The following TMEM132B variants were observed in gnomAD, a reference collection of about 807,000 sequenced individuals.
The protein encoded by TMEM132B is transmembrane protein 132B.
TMEM132B carries 18 observed loss-of-function variants against 90.8 expected under a neutral mutation model. That is an observed-to-expected ratio of 0.20 (90% CI 0.14 to 0.29). The LOEUF is 0.29. TMEM132B is among the 10% of genes least tolerant of loss of function. TMEM132B has a pLI of 1.00. For synonymous variants in TMEM132B, 504 were observed against 523.3 expected, an observed-to-expected ratio of 0.96 and a Z score of 0.50; for missense variants, 1,096 against 1,326.8, an observed-to-expected ratio of 0.83 and a Z score of 2.70.
At chr12:125,250,123 G>A (rs1420629895) in intron 1 of TMEM132B, among the ~76,000 whole-genome samples, 1 of 152,224 alleles carries the variant, frequency 6.6e-6, no homozygotes, top group East Asian at 1.9e-4. Context: ...GACAGCTAAG[G>A]CCACCCACAG....
chr12:125,224,188 G>A (rs779307563), intron 1 of TMEM132B, among the ~76,000 whole-genome samples: 7 of 152,110 alleles, frequency 4.6e-5, no homozygotes, highest in Admixed American at 3.9e-4. Flanking sequence ...CCATTCATTT[G>A]TTGATAGACA....
chr12:125,621,757 T>G (rs1886118495), intron 5 of TMEM132B, among the ~76,000 whole-genome samples: 1 of 152,096 alleles, frequency 6.6e-6, no homozygotes. Context: ...TAATAAGGAA[T>G]GGAGAGCATG....
intron 5 of TMEM132B, among the ~76,000 whole-genome samples, chr12:125,608,573 A>G (rs535107855): frequency 6.6e-6 from 1 of 152,288 alleles, no homozygotes; most frequent in East Asian, 1.9e-4. Context: ...TTCAGTTTTG[A>G]TCAAGTCTAA....
chr12:125,576,603 C>T (rs1179533890), intron 4 of TMEM132B, among the ~76,000 whole-genome samples: 4 of 151,924 alleles, frequency 2.6e-5, no homozygotes, highest in Non-Finnish European at 4.4e-5. Flanking sequence ...GTATGTTCTC[C>T]ATAGATGGCC....
At chr12:125,463,896 G>A (rs1881500060) in intron 3 of TMEM132B, among the ~76,000 whole-genome samples, 1 of 152,176 alleles carries the variant, frequency 6.6e-6, no homozygotes. Context: ...CATGGCGGAA[G>A]GTGAAGGAGA....
At chr12:125,556,163 T>C (rs1366918725) in intron 4 of TMEM132B, among the ~76,000 whole-genome samples, 1 of 152,234 alleles carries the variant, frequency 6.6e-6, no homozygotes, top group Non-Finnish European at 1.5e-5. Context: ...GTACCTTCTT[T>C]TTGCCACTCA....
At chr12:125,604,058 A>G in intron 5 of TMEM132B, among the ~76,000 whole-genome samples, 1 of 152,202 alleles carries the variant, frequency 6.6e-6, no homozygotes, top group South Asian at 2.1e-4. Flanking sequence ...AGGATCTAGA[A>G]CCAGAAATAC....
intron 5 of TMEM132B, among the ~76,000 whole-genome samples, chr12:125,615,765 G>A (rs1378984352): frequency 6.6e-6 from 1 of 152,102 alleles, no homozygotes. Context: ...TCTGGTACCT[G>A]TTTTGTTTTT....
chr12:125,480,805 A>G (rs949938254), intron 3 of TMEM132B, among the ~76,000 whole-genome samples: 1 of 152,184 alleles, frequency 6.6e-6, no homozygotes, highest in African/African-American at 2.4e-5. Context: ...ATACACAACA[A>G]AAAAAGAGAA....
intron 4 of TMEM132B, among the ~76,000 whole-genome samples, chr12:125,560,947 T>C (rs1433322326): frequency 6.6e-6 from 1 of 150,898 alleles, no homozygotes; most frequent in Non-Finnish European, 1.5e-5. Context: ...GTTCAACCAT[T>C]GTGGAAGACA....
At chr12:125,617,283 C>T (rs1215540239) in intron 5 of TMEM132B, among the ~76,000 whole-genome samples, 1 of 151,718 alleles carries the variant, frequency 6.6e-6, no homozygotes, top group East Asian at 1.9e-4. Context: ...AAGGCACATC[C>T]TTGGGCATGC....
intron 3 of TMEM132B, among the ~76,000 whole-genome samples, chr12:125,429,973 A>C (rs1016592867): frequency 3.3e-4 from 50 of 152,150 alleles, no homozygotes; most frequent in African/African-American, 1.2e-3. Context: ...AAGTATATAC[A>C]GATGTATTTG....
chr12:125,187,663 T>C (rs1957768015), intron 1 of TMEM132B, among the ~76,000 whole-genome samples: 1 of 151,942 alleles, frequency 6.6e-6, no homozygotes, highest in Non-Finnish European at 1.5e-5. Flanking sequence ...AAAAGCAAAA[T>C]AGTCAGGTAT....
At chr12:125,497,685 T>C (rs1265931947) in intron 3 of TMEM132B, among the ~76,000 whole-genome samples, 1 of 152,222 alleles carries the variant, frequency 6.6e-6, no homozygotes, top group Non-Finnish European at 1.5e-5. Flanking sequence ...TTCCTCTCTT[T>C]ACCTAAGCAT....
intron 2 of TMEM132B, among the ~76,000 whole-genome samples, chr12:125,389,278 ATT>A (rs1428902461): frequency 1.3e-5 from 2 of 152,126 alleles, no homozygotes; most frequent in Non-Finnish European, 1.5e-5. Context: ...CATGAAGAAT[ATT>A]TTAGATGATG....
intron 3 of TMEM132B, among the ~76,000 whole-genome samples, chr12:125,494,665 G>A (rs1486991163): frequency 1.7e-5 from 2 of 115,576 alleles, no homozygotes; most frequent in Non-Finnish European, 3.3e-5. Context: ...CCTTGGAAAT[G>A]GATGTGTCCC....
At chr12:125,563,269 T>C (rs1377810980) in intron 4 of TMEM132B, among the ~76,000 whole-genome samples, 1 of 152,014 alleles carries the variant, frequency 6.6e-6, no homozygotes, top group Non-Finnish European at 1.5e-5. Flanking sequence ...ATGGTGCTAA[T>C]AGACTTGCTC....
intron 3 of TMEM132B, among the ~76,000 whole-genome samples, chr12:125,495,176 T>C (rs1288036392): frequency 3.2e-3 from 95 of 29,322 alleles, no homozygotes; most frequent in Middle Eastern, 0.028. Context: ...CGCGTCCCTC[T>C]TCCCCCTCCT....
At chr12:125,188,538 C>A (rs1018210212) in intron 1 of TMEM132B, among the ~76,000 whole-genome samples, 43 of 142,704 alleles carry the variant, frequency 3.0e-4, no homozygotes, top group African/African-American at 1.0e-3. Context: ...CCCCTACCAC[C>A]CCCCCACCCC....
Sources: gnomAD v4.1 joint callset for allele counts (sites outside exome capture counted in the v4.1 genomes callset) on GRCh38, gnomAD v4.1.1 for gene constraint, MANE v1.5 for transcripts, NCBI Gene and HGNC (gene_info 2026-07-23, HGNC 2026-07-21) for gene names.